SLC25A43: variants seen among roughly 807,000 people sequenced by gnomAD.
SLC25A43 encodes the protein solute carrier family 25, member 43.
Under a neutral mutation model 22.8 loss-of-function variants are expected in SLC25A43, and 10 were observed. The ratio of observed to expected loss-of-function variants is 0.44; its 90% CI spans 0.27 to 0.74. The LOEUF is 0.74. Ranked by LOEUF, SLC25A43 falls within the 30% of genes least tolerant of loss-of-function variation. The probability of loss-of-function intolerance (pLI) is 0.17; values close to 1 mark genes in which losing one functional copy is unlikely to be tolerated. For missense variants in SLC25A43, 233 were observed against 279.1 expected (o/e 0.83, Z 1.18); for synonymous variants, 106 against 121.6 (o/e 0.87, Z 0.84).
intron 3 of SLC25A43, among the ~76,000 whole-genome samples, chrX:119,443,448 CTTTT>C (rs370848437): frequency 0.21 from 15,251 of 72,417 alleles, 1,172 homozygotes; most frequent in Middle Eastern, 0.25. Flanking sequence ...CTCTCTCTCT[CTTTT>C]TTTTTTTTTT....
chrX:119,441,919 T>C (rs1312784465), intron 3 of SLC25A43, among the ~76,000 whole-genome samples: 1 of 110,691 alleles, frequency 9.0e-6, no homozygotes, highest in Non-Finnish European at 1.9e-5. Context: ...TGAAACCCCG[T>C]CTGTACTAAC....
chrX:119,429,832 TAGTG>T (rs1028851170), intron 3 of SLC25A43, among the ~76,000 whole-genome samples: 63 of 111,760 alleles, frequency 5.6e-4, no homozygotes, highest in African/African-American at 2.0e-3. Context: ...AAGACAGACT[TAGTG>T]AGGCCGAGGA....
rs745716065 is a variant in SLC25A43, at chrX:119,410,405, A to G, written c.690+43A>G. On this transcript the variant is annotated intron_variant, in intron 3 of 4. Coordinates refer to ENST00000217909, the MANE Select transcript of SLC25A43 (RefSeq NM_145305.3). Reference sequence around the variant, plus strand: ...TGGGGTAGGGGGTGGAATGCTTTGTAGTGTTTGTGGTCGGGTAATAACAGC... The same window carrying G: ...TGGGGTAGGGGGTGGAATGCTTTGTGGTGTTTGTGGTCGGGTAATAACAGC... 1.2e-5 allele frequency: 14 copies of G among 1,181,548 alleles called. No individual in the cohort carries two copies. The African/African-American group carries it at 1.8e-4, about 15-fold the overall frequency.
chrX:119,407,116 T>G (rs5910573), intron 2 of SLC25A43, among the ~76,000 whole-genome samples: 12,205 of 112,234 alleles, frequency 0.11, 526 homozygotes, highest in Middle Eastern at 0.13. Context: ...GTAGACTTTT[T>G]CCCTTTATCT....
At chrX:119,419,566 T>G (rs927759614) in intron 3 of SLC25A43, among the ~76,000 whole-genome samples, 1 of 111,504 alleles carries the variant, frequency 9.0e-6, no homozygotes, top group Admixed American at 9.6e-5. Flanking sequence ...TCATCCCCTC[T>G]TGTAGTTTTT....
intron 3 of SLC25A43, among the ~76,000 whole-genome samples, chrX:119,415,021 G>A (rs1420530842): frequency 9.8e-6 from 1 of 101,964 alleles, no homozygotes; most frequent in East Asian, 3.2e-4. Context: ...CCTGGTTCAA[G>A]CAATTCTCTT....
chrX:119,408,017 T>C (rs56013738), intron 2 of SLC25A43, among the ~76,000 whole-genome samples: 12,630 of 110,373 alleles, frequency 0.11, 586 homozygotes, highest in African/African-American at 0.14. Context: ...CCCCGTGCAC[T>C]GCTGCCCGGC....
intron 3 of SLC25A43, among the ~76,000 whole-genome samples, chrX:119,444,703 CAA>C (rs1188627062): frequency 1.7e-4 from 10 of 60,214 alleles, no homozygotes; most frequent in Admixed American, 2.1e-4. Flanking sequence ...AACTGTGTCT[CAA>C]AAAAAAAAAA....
chrX:119,424,576 G>A (rs761226468), intron 3 of SLC25A43, among the ~76,000 whole-genome samples: 5 of 111,684 alleles, frequency 4.5e-5, no homozygotes, highest in Non-Finnish European at 9.4e-5. Flanking sequence ...ATGAGGGAGC[G>A]GGAAAGCAAA....
chrX:119,403,295 CT>C lies in SLC25A43; in HGVS notation c.276-3152del, dbSNP rs776771260. Among the ~76,000 whole-genome samples, 661 of 101,085 alleles carry C rather than the reference CT, an allele frequency of 6.5e-3. 4 individuals carry two copies. Among genetic ancestry groups the C allele is most frequent in the Middle Eastern group, 0.015 (3 of 196 alleles). 87.8% of individuals were successfully genotyped at this position (101,085 alleles called of 115,157 possible). A position where few individuals can be genotyped will look rare whatever the true frequency, so the allele number is the denominator to read the frequency against. ...AGACCGCCCCTCCAGTCAAAAATTT[CT>C]TTTTTTTTTTTTGGAAGAAGTATTG... On this transcript the variant is annotated intron_variant, in intron 1 of 4. Transcript: ENST00000217909.
chrX:119,452,947 C>T lies in SLC25A43; in HGVS notation c.908C>T (p.Ser303Phe), dbSNP rs2147304232. The T allele has an allele frequency of 8.3e-7, 1 of 1,208,683 alleles. No individual in the cohort carries two copies. The highest frequency in any genetic ancestry group is 1.1e-6 in the Non-Finnish European group (1 of 892,718). The change falls in exon 5 of 5, where the codon TCT (serine) becomes TTT (phenylalanine). Residue 303 changes from serine to phenylalanine, a missense_variant. Ser to Phe is a radical substitution (Grantham distance 155, BLOSUM62 -2). Transcript: ENST00000217909. ...CTTTATCAAAATGGTTACATTCTGT[C>T]TCCACTGAGCTATAAATTGACCCCA... is the stretch of plus-strand genomic sequence containing the variant. ...ICLYQNGYILSPLSYKLTPGV... is the reference protein window; with the variant it reads ...ICLYQNGYILFPLSYKLTPGV...
At chrX:119,452,249 A>T (rs1351364430) in intron 4 of SLC25A43, 106 bp downstream of exon 4, 2 of 927,827 alleles carry the variant, frequency 2.2e-6, no homozygotes, top group African/African-American at 4.0e-5. Flanking sequence ...AACCCCCTCT[A>T]GCACTAATGG....
intron 3 of SLC25A43, among the ~76,000 whole-genome samples, chrX:119,435,169 AT>A (rs373769016): frequency 9.0e-6 from 1 of 111,133 alleles, no homozygotes; most frequent in African/African-American, 3.3e-5. Flanking sequence ...AAAGAAAAAA[AT>A]CGGTGGGCAG....
intron 3 of SLC25A43, among the ~76,000 whole-genome samples, chrX:119,450,012 A>T (rs984419401): frequency 1.8e-5 from 2 of 111,854 alleles, no homozygotes; most frequent in African/African-American, 3.3e-5. Flanking sequence ...GACACTGTCA[A>T]GAAGAAAGGC....
chrX:119,418,091 G>A (rs1014631467), intron 3 of SLC25A43, among the ~76,000 whole-genome samples: 3 of 110,950 alleles, frequency 2.7e-5, no homozygotes, highest in East Asian at 2.8e-4. Flanking sequence ...CCTGAAGTTC[G>A]GTGATCTCTG....
chrX:119,404,286 A>C (rs6603505), intron 1 of SLC25A43, among the ~76,000 whole-genome samples: 21,875 of 111,170 alleles, frequency 0.2, 1,840 homozygotes, highest in African/African-American at 0.31. Flanking sequence ...CAGGCATGAG[A>C]CGCCATGCCT....
At chrX:119,450,524 A>G (rs2052698131) in intron 3 of SLC25A43, among the ~76,000 whole-genome samples, 1 of 111,706 alleles carries the variant, frequency 9.0e-6, no homozygotes, top group African/African-American at 3.2e-5. Context: ...AAGGCAGTGA[A>G]TGCTCTGAAG....
At position 119,425,343 on chromosome X, in the gene SLC25A43, G is replaced by A. The variant is rs143131953; in HGVS notation, c.690+14981G>A. 8.3e-3 allele frequency among the ~76,000 whole-genome samples: 927 copies of A among 111,523 alleles called. 14 individuals carry two copies. In the East Asian group the frequency reaches 0.12, roughly 14 times the overall value. ...AGTAAATTGTTATAACTATCCCTGC[G>A]AGGAGGTGCTAACAAAGTTCCAGGT... On this transcript the variant is annotated intron_variant, in intron 3 of 4. Coordinates refer to ENST00000217909, the MANE Select transcript of SLC25A43 (RefSeq NM_145305.3).
At chrX:119,451,419 A>G (rs2052706866) in intron 3 of SLC25A43, among the ~76,000 whole-genome samples, 1 of 111,993 alleles carries the variant, frequency 8.9e-6, no homozygotes, top group African/African-American at 3.2e-5. Flanking sequence ...CACAGTCTTC[A>G]ATGAACGTGG....
Sources: allele counts gnomAD v4.1 joint callset (sites outside exome capture counted in the v4.1 genomes callset), GRCh38; gene constraint gnomAD v4.1.1; transcripts MANE v1.5; gene names NCBI Gene and HGNC (gene_info 2026-07-23, HGNC 2026-07-21).